The following DCAF5 variants were observed in gnomAD, a reference collection of about 807,000 sequenced individuals.
DCAF5 encodes the protein DDB1 and CUL4 associated factor 5, also known as DDB1- and CUL4-associated factor 5.
DCAF5 carries 9 observed loss-of-function variants against 80.7 expected under a neutral mutation model. The ratio of observed to expected loss-of-function variants is 0.11; its 90% CI spans 0.07 to 0.19. The LOEUF (loss-of-function observed/expected upper bound fraction) is 0.19, where lower values mean the gene tolerates loss of function less well. Among genes scored for constraint, DCAF5 ranks in the 10% least tolerant of loss-of-function variants. DCAF5 has a pLI of 1.00. For synonymous variants in DCAF5, 433 were observed against 461.9 expected, an observed-to-expected ratio of 0.94 and a Z score of 0.80; for missense variants, 842 against 1,205.7, an observed-to-expected ratio of 0.70 and a Z score of 4.47.
At chr14:69,142,163 G>A (rs563282330) in intron 1 of DCAF5, among the ~76,000 whole-genome samples, 112 of 152,266 alleles carry the variant, frequency 7.4e-4, no homozygotes, top group Non-Finnish European at 7.9e-4. Flanking sequence ...AGCTGGGCAC[G>A]ATGGTGCATG....
At chr14:69,126,650 T>A (rs1406206761) in intron 1 of DCAF5, among the ~76,000 whole-genome samples, 6 of 152,186 alleles carry the variant, frequency 3.9e-5, no homozygotes, top group Admixed American at 3.9e-4. Flanking sequence ...ATTACCTGAC[T>A]TCAGGTTACC....
At chr14:69,145,617 C>T (rs1342745998) in intron 1 of DCAF5, among the ~76,000 whole-genome samples, 2 of 151,930 alleles carry the variant, frequency 1.3e-5, no homozygotes, top group Admixed American at 6.6e-5. Context: ...CATATTCCCA[C>T]AATAATGTAA....
chr14:69,056,580 A>T (rs1372103913), intron 8 of DCAF5, among the ~76,000 whole-genome samples: 1 of 152,240 alleles, frequency 6.6e-6, no homozygotes, highest in African/African-American at 2.4e-5. Context: ...ATCAGCCTGT[A>T]GTCATGGCAA....
At chr14:69,144,572 G>C (rs1280287965) in intron 1 of DCAF5, among the ~76,000 whole-genome samples, 3 of 149,938 alleles carry the variant, frequency 2.0e-5, no homozygotes, top group African/African-American at 7.4e-5. Context: ...GCGAGACTCC[G>C]TTTAAAAAAA....
Position 69,152,023 on chromosome 14 carries a change from G to T in DCAF5, c.214+742C>A, listed in dbSNP as rs2041722537. 6.6e-6 allele frequency among the ~76,000 whole-genome samples: 1 copy of T among 152,202 alleles called. No individual in the cohort carries two copies. On this transcript the variant is annotated intron_variant, in intron 1 of 8. Coordinates refer to ENST00000341516, the MANE Select transcript of DCAF5 (RefSeq NM_003861.3). The surrounding 1 kb of genome is among the most constrained non-coding windows in gnomAD (Gnocchi z 4.1). ...GCTCCCGCCAACAAGTCTCCCGGGG[G>T]TCCCCCACCCTACCGCCTGCCTCGC...
chr14:69,086,083 A>G (rs1030384607), intron 6 of DCAF5, among the ~76,000 whole-genome samples: 1 of 152,192 alleles, frequency 6.6e-6, no homozygotes, highest in Non-Finnish European at 1.5e-5. Flanking sequence ...TGGGCTGGGC[A>G]TTGTGGTTCA....
chr14:69,123,464 A>G (rs2040786026), intron 1 of DCAF5, among the ~76,000 whole-genome samples: 1 of 152,204 alleles, frequency 6.6e-6, no homozygotes, highest in African/African-American at 2.4e-5. Context: ...AGCTGTTTAT[A>G]GTGCCAACTA....
intron 5 of DCAF5, among the ~76,000 whole-genome samples, chr14:69,098,893 CAAAAAAAA>C (rs57089112): frequency 5.9e-4 from 35 of 59,586 alleles, no homozygotes; most frequent in African/African-American, 1.4e-3. Context: ...ACTCTGTCTC[CAAAAAAAA>C]AAAAAAAAAA....
At chr14:69,148,769 T>A (rs761552015) in intron 1 of DCAF5, among the ~76,000 whole-genome samples, 4 of 152,220 alleles carry the variant, frequency 2.6e-5, no homozygotes, top group Non-Finnish European at 5.9e-5. Context: ...AACATTTCAT[T>A]GACCATTCAC....
chr14:69,083,863 G>C, intron 6 of DCAF5: 1 of 755,386 alleles, frequency 1.3e-6, no homozygotes, highest in Non-Finnish European at 2.5e-6. Flanking sequence ...AGATGACAGT[G>C]AGATGCCCAG....
rs1359728629 is a variant in DCAF5 at position 69,055,651 on chromosome 14, T to C, written c.1075-40A>G. ...AAAAACAAAAGCAACAAGGAGTAAC[T>C]GGAAAGTATTCTTTCACTGGTGGTG... On this transcript the variant is annotated intron_variant, in intron 8 of 8. Transcript: ENST00000341516. This position sits in a 1 kb window ranked among gnomAD's most constrained non-coding sequence, Gnocchi z 5.6. The C allele has an allele frequency of 4.5e-6, 7 of 1,551,908 alleles. No homozygotes were observed. The highest frequency in any genetic ancestry group is 5.3e-6 in the Non-Finnish European group (6 of 1,142,182).
At position 69,119,299 on chromosome 14, in the gene DCAF5, A is replaced by G; in HGVS notation, c.359-69T>C. On this transcript the variant is annotated intron_variant, in intron 2 of 8. Transcript: ENST00000341516. ...GTCCCTGTCCACATTACAATTTAGT[A>G]TTTTTAAGTTTTCAGGGAAAAAATA... The G allele has an allele frequency of 2.0e-6, 3 of 1,532,346 alleles. No individual in the cohort carries two copies. In the South Asian group the frequency reaches 3.6e-5, roughly 18 times the overall value. The allele number at this position is 1,532,346 out of a possible 1,614,324, so 94.9% of individuals were successfully genotyped here.
At chr14:69,097,310 G>A (rs981948323) in intron 5 of DCAF5, among the ~76,000 whole-genome samples, 2 of 152,104 alleles carry the variant, frequency 1.3e-5, no homozygotes, top group African/African-American at 4.8e-5. Context: ...TCATACAGGA[G>A]CCACTCATTG....
rs1270852026 is a variant in DCAF5 at position 69,091,886 on chromosome 14, A to T, written c.667T>A (p.Ser223Thr). The T allele has an allele frequency of 6.2e-7, 1 of 1,610,368 alleles. No individual in the cohort carries two copies. Among genetic ancestry groups the T allele is most frequent in the Admixed American group, 1.7e-5 (1 of 59,208 alleles). The change falls in exon 6 of 9, where the codon TCT becomes ACT. Residue 223 changes from serine (S) to threonine (T), a missense_variant and splice_region_variant. Coordinates refer to ENST00000341516, the MANE Select transcript of DCAF5 (RefSeq NM_003861.3). ...GLWDIRKPQSSLLRYGGNLSL... is the reference protein window; with the variant it reads ...GLWDIRKPQSTLLRYGGNLSL... Reference sequence around the variant, plus strand: ...AGGTTTCCACCATAGCGCAGGAGAGAACTGGAAGGCACAAGGCACAGGAAT... The same window carrying T: ...AGGTTTCCACCATAGCGCAGGAGAGTACTGGAAGGCACAAGGCACAGGAAT...
At chr14:69,097,592 T>A (rs1380049517) in intron 5 of DCAF5, among the ~76,000 whole-genome samples, 48 of 147,348 alleles carry the variant, frequency 3.3e-4, no homozygotes, top group African/African-American at 7.2e-4. Context: ...ATTTTTTTTT[T>A]TTTTTTTTTT....
chr14:69,144,809 G>C (rs562672403), intron 1 of DCAF5, among the ~76,000 whole-genome samples: 11 of 152,134 alleles, frequency 7.2e-5, no homozygotes, highest in Non-Finnish European at 1.2e-4. Flanking sequence ...AGGGAAAAGA[G>C]AGAAACAGCA....
At chr14:69,065,394 C>A (rs1594936517) in intron 7 of DCAF5, among the ~76,000 whole-genome samples, 1 of 152,142 alleles carries the variant, frequency 6.6e-6, no homozygotes, top group Non-Finnish European at 1.5e-5. Flanking sequence ...CACACCCAGC[C>A]CTGATTTTTC....
chr14:69,085,653 T>G (rs1408735318), intron 6 of DCAF5, among the ~76,000 whole-genome samples: 1 of 152,220 alleles, frequency 6.6e-6, no homozygotes, highest in African/African-American at 2.4e-5. Context: ...TATTTTAATT[T>G]TAAATATCCC....
In DCAF5 at chr14:69,152,895, C is replaced by G; in HGVS notation, c.84G>C (p.Leu28=). 6.2e-7 allele frequency: 1 copy of G among 1,614,026 alleles called. No individual in the cohort carries two copies. Among genetic ancestry groups the G allele is most frequent in the African/African-American group, 1.3e-5 (1 of 75,024 alleles). ...LSQRGLHGDP[L]LTQDFQRRRL... is the part of the protein sequence containing the mutation. ...GTCTCCTCTGAAAGTCCTGAGTGAG[C>G]AGGGGGTCCCCATGCAAGCCCCGCT... Residue 28 remains leucine (L), a synonymous_variant, in exon 1 of 9, where the codon CTG becomes CTC. Transcript: ENST00000341516. This position sits in a 1 kb window ranked among gnomAD's most constrained non-coding sequence, Gnocchi z 4.1.
Sources: gnomAD v4.1 joint callset for allele counts (sites outside exome capture counted in the v4.1 genomes callset) on GRCh38, gnomAD v4.1.1 for gene constraint, Gnocchi (gnomAD v3.1) non-coding constraint, MANE v1.5 for transcripts, NCBI Gene and HGNC (gene_info 2026-07-23, HGNC 2026-07-21) for gene names.